STAU2: variants seen among roughly 807,000 people sequenced by gnomAD.
STAU2 encodes the protein staufen double-stranded RNA binding protein 2, also known as double-stranded RNA-binding protein Staufen homolog 2.
Under a neutral mutation model 65.9 loss-of-function variants are expected in STAU2, and 20 were observed. That is an observed-to-expected ratio of 0.30 (90% CI 0.21 to 0.44). STAU2 has a LOEUF of 0.44. Ranked by LOEUF, STAU2 falls within the 20% of genes least tolerant of loss-of-function variation. STAU2 has a pLI of 1.00. For missense variants in STAU2, 558 were observed against 683.9 expected (o/e 0.82, Z 2.05); for synonymous variants, 232 against 233.9 (o/e 0.99, Z 0.07).
chr8:73,462,255 T>C (rs938168640), intron 13 of STAU2, among the ~76,000 whole-genome samples: 6 of 147,968 alleles, frequency 4.1e-5, no homozygotes, highest in Admixed American at 1.3e-4. Context: ...AATTTTTGTA[T>C]TTTTTTTTCT....
At chr8:73,709,186 T>G in intron 3 of STAU2, 24 bp from the exon 4 acceptor site, 1 of 1,468,332 alleles carries the variant, frequency 6.8e-7, no homozygotes, top group South Asian at 1.4e-5. Flanking sequence ...GGCTATAAAG[T>G]TTTTGTGAAG....
intron 13 of STAU2, among the ~76,000 whole-genome samples, chr8:73,492,825 G>T (rs1163018311): frequency 6.6e-6 from 1 of 151,848 alleles, no homozygotes; most frequent in Non-Finnish European, 1.5e-5. Flanking sequence ...TATGTGCAAA[G>T]ATTATCATGG....
intron 6 of STAU2, among the ~76,000 whole-genome samples, chr8:73,666,867 T>G (rs1162316230): frequency 1.3e-5 from 2 of 152,176 alleles, no homozygotes; most frequent in African/African-American, 4.8e-5. Flanking sequence ...TTCTGAAAGC[T>G]CTAGATGTTA....
At chr8:73,684,952 G>A (rs1170076725) in intron 5 of STAU2, among the ~76,000 whole-genome samples, 2 of 152,166 alleles carry the variant, frequency 1.3e-5, no homozygotes, top group African/African-American at 4.8e-5. Context: ...ATCTTGAATT[G>A]TAATCCCCAT....
At chr8:73,423,274 G>C (rs1489631270) in intron 13 of STAU2, among the ~76,000 whole-genome samples, 1 of 152,208 alleles carries the variant, frequency 6.6e-6, no homozygotes, top group Non-Finnish European at 1.5e-5. Context: ...AGGCAGGCCT[G>C]CCGGGCAGAG....
At chr8:73,701,450 A>G (rs1041620634) in intron 4 of STAU2, among the ~76,000 whole-genome samples, 9 of 151,978 alleles carry the variant, frequency 5.9e-5, no homozygotes, top group Admixed American at 4.6e-4. Context: ...TAATAATCCA[A>G]TTTAAACAAC....
At chr8:73,565,237 C>A (rs1036251454) in intron 12 of STAU2, among the ~76,000 whole-genome samples, 1 of 152,130 alleles carries the variant, frequency 6.6e-6, no homozygotes, top group African/African-American at 2.4e-5. Flanking sequence ...TTCCCCCTTG[C>A]TGTTCTCCTG....
chr8:73,701,978 A>C (rs1820141693), intron 4 of STAU2, among the ~76,000 whole-genome samples: 1 of 152,208 alleles, frequency 6.6e-6, no homozygotes, highest in African/African-American at 2.4e-5. Flanking sequence ...CCAGGTACAG[A>C]GAGACAAACA....
At chr8:73,552,385 T>C (rs1807396703) in intron 12 of STAU2, 66 bp from the exon 13 acceptor site, 3 of 1,378,174 alleles carry the variant, frequency 2.2e-6, no homozygotes, top group Non-Finnish European at 2.0e-6. Flanking sequence ...ATAGCATTAT[T>C]AACTCAATGG....
chr8:73,534,719 GT>G (rs1806071219), intron 13 of STAU2, among the ~76,000 whole-genome samples: 1 of 152,086 alleles, frequency 6.6e-6, no homozygotes, highest in African/African-American at 2.4e-5. Context: ...TGTCTCTTCA[GT>G]TTTTTCCCAG....
intron 13 of STAU2, among the ~76,000 whole-genome samples, chr8:73,470,005 A>C (rs2128905023): frequency 6.6e-6 from 1 of 152,358 alleles, no homozygotes. Flanking sequence ...TAGGTCTCTC[A>C]AAATGTACAG....
At chr8:73,714,358 C>G (rs953097964) in intron 3 of STAU2, among the ~76,000 whole-genome samples, 6 of 152,160 alleles carry the variant, frequency 3.9e-5, no homozygotes, top group African/African-American at 1.4e-4. Context: ...AGCAATCTGA[C>G]AGATATGTCC....
At chr8:73,656,001 T>G (rs1816342688) in intron 6 of STAU2, among the ~76,000 whole-genome samples, 1 of 152,088 alleles carries the variant, frequency 6.6e-6, no homozygotes, top group South Asian at 2.1e-4. Context: ...GCCAGGATGG[T>G]CTCAATCTCC....
chr8:73,514,947 C>T (rs1329335996), intron 13 of STAU2, among the ~76,000 whole-genome samples: 1 of 152,066 alleles, frequency 6.6e-6, no homozygotes, highest in Admixed American at 6.5e-5. Context: ...GCATCTAGTA[C>T]AGTGGTGGAC....
At chr8:73,664,308 G>A (rs1817069698) in intron 6 of STAU2, among the ~76,000 whole-genome samples, 1 of 152,180 alleles carries the variant, frequency 6.6e-6, no homozygotes, top group South Asian at 2.1e-4. Context: ...ACAGGCATGA[G>A]CCACCGTACC....
chr8:73,589,542 A>G (rs937032999), intron 11 of STAU2, among the ~76,000 whole-genome samples: 10 of 152,178 alleles, frequency 6.6e-5, no homozygotes, highest in African/African-American at 2.4e-4. Flanking sequence ...CAGAACAAAA[A>G]CATAAGGAAA....
At chr8:73,703,077 G>A (rs1269429540) in intron 4 of STAU2, among the ~76,000 whole-genome samples, 1 of 152,138 alleles carries the variant, frequency 6.6e-6, no homozygotes, top group Non-Finnish European at 1.5e-5. Context: ...AAAGAGAAAA[G>A]GTAATATATG....
rs547864614 is a variant in STAU2, at chr8:73,489,436, G to A, written c.1530+62576C>T. Reference sequence around the variant, plus strand: ...GATGGAGGTCTTAATCTAATGTACCGTTGTCTGTCAGCTAATCTCTCCTGG... The same window carrying A: ...GATGGAGGTCTTAATCTAATGTACCATTGTCTGTCAGCTAATCTCTCCTGG... On this transcript the variant is annotated intron_variant, in intron 13 of 14. Coordinates refer to ENST00000524300, the MANE Select transcript of STAU2 (RefSeq NM_001164380.2). 5.3e-5 allele frequency among the ~76,000 whole-genome samples: 8 copies of A among 151,926 alleles called. No individual in the cohort carries two copies. The East Asian group carries it at 5.8e-4, about 11-fold the overall frequency.
intron 3 of STAU2, chr8:73,732,637 C>T (rs1017530858): frequency 6.6e-6 from 1 of 152,150 alleles, no homozygotes; most frequent in African/African-American, 2.4e-5. Flanking sequence ...AGCTCCACAC[C>T]CAGTCTTGGA....
Sources: gnomAD v4.1 joint callset for allele counts (sites outside exome capture counted in the v4.1 genomes callset) on GRCh38, gnomAD v4.1.1 for gene constraint, MANE v1.5 for transcripts, NCBI Gene and HGNC (gene_info 2026-07-23, HGNC 2026-07-21) for gene names.